Variants in MYH13 observed in about 807,000 individuals in gnomAD.
MYH13 encodes the protein myosin-13.
Under a neutral mutation model 232.1 loss-of-function variants are expected in MYH13, and 177 were observed. The observed-to-expected ratio is 0.76, with a 90% CI of 0.67 to 0.86. MYH13 has a LOEUF of 0.86. Ranked by LOEUF, MYH13 falls within the 40% of genes least tolerant of loss-of-function variation. The probability of loss-of-function intolerance (pLI) is 0.00; values close to 1 mark genes in which losing one functional copy is unlikely to be tolerated. For synonymous variants in MYH13, 884 were observed against 923.5 expected (o/e 0.96, Z 0.78); for missense variants, 2,246 against 2,405.9 (o/e 0.93, Z 1.39).
chr17:10,337,046 C>A (rs1268338379), intron 18 of MYH13, among the ~76,000 whole-genome samples: 1 of 151,960 alleles, frequency 6.6e-6, no homozygotes, highest in Non-Finnish European at 1.5e-5. Context: ...TCCCAAGTAG[C>A]TGGGATTACA....
intron 14 of MYH13, 46 bp from the exon 15 acceptor site, chr17:10,345,418 C>G: frequency 6.2e-7 from 1 of 1,614,200 alleles, no homozygotes; most frequent in African/African-American, 1.3e-5. Context: ...TTGGAAAATA[C>G]ATTGGAGATT....
rs1906173591 is a variant in MYH13 at position 10,303,444 on chromosome 17, G to A, written c.5521C>T (p.Leu1841=). 5 of 1,613,958 alleles carry A rather than the reference G, an allele frequency of 3.1e-6. No individual in the cohort carries two copies. The highest frequency in any genetic ancestry group is 4.2e-6 in the Non-Finnish European group (5 of 1,179,892). ...DVEQKRGAEA[L]KGAHKYERKV... ...CGTTCGTACTTGTGGGCTCCCTTCA[G>A]GGCTTCAGCTCCCCTCTTCTGTTCC... is the stretch of plus-strand genomic sequence containing the variant. The change falls in exon 38 of 41, where the codon CTG becomes TTG. Residue 1841 remains leucine, a synonymous_variant. Transcript: ENST00000252172.
chr17:10,319,631 A>G (rs1038471527), intron 26 of MYH13, among the ~76,000 whole-genome samples: 1 of 152,256 alleles, frequency 6.6e-6, no homozygotes, highest in African/African-American at 2.4e-5. Flanking sequence ...CTAGAAGTCT[A>G]TGGAGCAGGT....
intron 5 of MYH13, among the ~76,000 whole-genome samples, chr17:10,360,595 C>T (rs148469433): frequency 2.0e-5 from 3 of 152,240 alleles, no homozygotes; most frequent in Non-Finnish European, 4.4e-5. Flanking sequence ...TTTCTTTTAC[C>T]TTTACCTTCT....
chr17:10,340,773 T>G (rs946516976), intron 16 of MYH13, among the ~76,000 whole-genome samples: 1 of 152,016 alleles, frequency 6.6e-6, no homozygotes, highest in African/African-American at 2.4e-5. Context: ...AGTCCTGGGA[T>G]TATAGGCATG....
chr17:10,344,471 TATACTC>T (rs1331169506), intron 15 of MYH13, among the ~76,000 whole-genome samples: 2 of 152,132 alleles, frequency 1.3e-5, no homozygotes, highest in East Asian at 1.9e-4. Flanking sequence ...CTTAGGAAGA[TATACTC>T]ATTCCAACAT....
At position 10,320,966 on chromosome 17, in the gene MYH13, A is replaced by G. The variant is rs117524344; in HGVS notation, c.3112-470T>C. ...ACACATGCATACATAGGAACAGGAA[A>G]AGGGTGTAGAGGAGGAGCACACCTA... is the stretch of plus-strand genomic sequence containing the variant. On this transcript the variant is annotated intron_variant, in intron 24 of 40. Coordinates refer to ENST00000252172, the MANE Select transcript of MYH13 (RefSeq NM_003802.3). Among the ~76,000 whole-genome samples, 1,262 of 152,332 alleles carry G rather than the reference A, an allele frequency of 8.3e-3. 5 individuals are homozygous for G. The highest frequency in any genetic ancestry group is 0.012 in the Non-Finnish European group (841 of 68,028).
At chr17:10,341,659 G>A (rs1291018830) in intron 16 of MYH13, among the ~76,000 whole-genome samples, 1 of 152,138 alleles carries the variant, frequency 6.6e-6, no homozygotes, top group African/African-American at 2.4e-5. Context: ...GCATGACTGT[G>A]TGTTTGGATT....
chr17:10,363,990 T>C (rs1348588036), intron 3 of MYH13, among the ~76,000 whole-genome samples: 2 of 152,168 alleles, frequency 1.3e-5, no homozygotes, highest in Non-Finnish European at 2.9e-5. Context: ...GCTTCCTCTG[T>C]AGCAGCCACT....
intron 22 of MYH13, among the ~76,000 whole-genome samples, chr17:10,324,608 C>A (rs76954268): frequency 6.6e-6 from 1 of 151,680 alleles, no homozygotes; most frequent in African/African-American, 2.4e-5. Flanking sequence ...CCATGCCTGG[C>A]TAATCTTTGT....
intron 21 of MYH13, among the ~76,000 whole-genome samples, chr17:10,329,692 G>T (rs1907343845): frequency 6.6e-6 from 1 of 151,778 alleles, no homozygotes; most frequent in African/African-American, 2.4e-5. Context: ...TTCAGAAAGT[G>T]CTTTCGTCAG....
chr17:10,345,573 T>A lies in MYH13; in HGVS notation c.1307A>T (p.Lys436Met). 3 of 1,614,176 alleles carry A rather than the reference T, an allele frequency of 1.9e-6. No individual in the cohort carries two copies. The highest frequency in any genetic ancestry group is 2.5e-6 in the Non-Finnish European group (3 of 1,180,028). Residue 436 changes from lysine (K) to methionine (M), a missense_variant, in exon 14 of 41, where the codon AAG becomes ATG. Coordinates refer to ENST00000252172, the MANE Select transcript of MYH13 (RefSeq NM_003802.3). Reference protein sequence around the residue: ...VGALAKAVYEKMFLWMVTRIN... With the variant: ...VGALAKAVYEMMFLWMVTRIN... The stretch of plus-strand genomic sequence containing the variant: ...GCGGGTGACCATCCACAGGAACATC[T>A]TCTCGTAGACGGCTTTGGCCAGAGC...
At chr17:10,368,628 T>G (rs970629060) in intron 2 of MYH13, among the ~76,000 whole-genome samples, 9 of 152,202 alleles carry the variant, frequency 5.9e-5, no homozygotes, top group African/African-American at 1.9e-4. Context: ...TACCAGCCAT[T>G]TATTCATCCT....
intron 24 of MYH13, among the ~76,000 whole-genome samples, chr17:10,321,103 C>T (rs776311860): frequency 3.9e-5 from 6 of 152,192 alleles, no homozygotes; most frequent in Admixed American, 2.6e-4. Context: ...TGTCATGTGA[C>T]GGGGGCAGAA....
chr17:10,357,912 G>C, intron 7 of MYH13, 85 bp from the exon 8 acceptor site: 1 of 1,243,464 alleles, frequency 8.0e-7, no homozygotes, highest in Non-Finnish European at 1.2e-6. Context: ...TGGGTACTCT[G>C]GGCAGGTTCA....
In MYH13 at chr17:10,353,406, C is replaced by A. The variant is rs142225163; in HGVS notation, c.1005+1274G>T. On this transcript the variant is annotated intron_variant, in intron 11 of 40. Coordinates refer to ENST00000252172, the MANE Select transcript of MYH13 (RefSeq NM_003802.3). ...ATGTCACCAAATGAAGGCTAAGAAG[C>A]TGGTCATGGGGCAGTGTCTCTAGGA... 5.9e-5 allele frequency among the ~76,000 whole-genome samples: 9 copies of A among 152,296 alleles called. No individual in the cohort carries two copies. The East Asian group carries it at 1.5e-3, about 26-fold the overall frequency.
intron 40 of MYH13, 142 bp downstream of exon 40, chr17:10,301,427 A>T (rs1328710962): frequency 2.3e-6 from 3 of 1,299,422 alleles, no homozygotes; most frequent in Non-Finnish European, 2.1e-6. Context: ...CCTACATCTC[A>T]GGTACCTGCT....
Position 10,303,432 on chromosome 17 carries a change from G to A in MYH13, c.5533C>T (p.His1845Tyr), listed in dbSNP as rs1597880706. The A allele has an allele frequency of 6.2e-7, 1 of 1,613,878 alleles. No homozygotes were observed. The highest frequency in any genetic ancestry group is 8.5e-7 in the Non-Finnish European group (1 of 1,179,862). Residue 1845 changes from histidine (H) to tyrosine (Y), a missense_variant, in exon 38 of 41, where the codon CAC becomes TAC. Transcript: ENST00000252172. ...TCCTTGACTTTGCGTTCGTACTTGT[G>A]GGCTCCCTTCAGGGCTTCAGCTCCC... The part of the protein sequence containing the change: ...KRGAEALKGA[H>Y]KYERKVKEMT...
At chr17:10,319,238 A>T in intron 26 of MYH13, 59 bp from the exon 27 acceptor site, 8 of 1,543,016 alleles carry the variant, frequency 5.2e-6, no homozygotes, top group Non-Finnish European at 7.0e-6. Flanking sequence ...CCCCTTTGAG[A>T]GGGGCTGGGT....
Sources: allele counts gnomAD v4.1 joint callset (sites outside exome capture counted in the v4.1 genomes callset), GRCh38; gene constraint gnomAD v4.1.1; transcripts MANE v1.5; gene names NCBI Gene and HGNC (gene_info 2026-07-23, HGNC 2026-07-21).